Variants in PNMA2 observed in about 807,000 individuals in gnomAD.
PNMA2 encodes paraneoplastic antigen Ma2.
For missense variants in PNMA2, 455 were observed against 452.9 expected (o/e 1.00, Z -0.04); for synonymous variants, 175 against 183.5 (o/e 0.95, Z 0.38).
At chr8:26,510,909 T>C (rs1187142411) in intron 1 of PNMA2, among the ~76,000 whole-genome samples, 1 of 152,098 alleles carries the variant, frequency 6.6e-6, no homozygotes, top group Admixed American at 6.5e-5. Context: ...TCCCAGCACT[T>C]TGGGAAGCCA....
Position 26,507,946 on chromosome 8 carries a change from T to G in PNMA2, c.810A>C (p.Leu270Phe), listed in dbSNP as rs1314725208. 1 of 1,614,134 alleles carries G rather than the reference T, an allele frequency of 6.2e-7. No homozygotes were observed. The highest frequency in any genetic ancestry group is 1.1e-5 in the South Asian group (1 of 91,090). ...CTCTCCGGAGCAGGGTTTCTAGCCG[T>G]AACACATAGGCTGAGACCTTCTCTC... ...EEGEKVSAYV[L>F]RLETLLRRAV... Residue 270 changes from leucine to phenylalanine, a missense_variant, in exon 3 of 3, where the codon TTA becomes TTC. Physicochemically the swap from Leu to Phe is conservative, Grantham distance 22 (BLOSUM62 0). Transcript: ENST00000522362.
In PNMA2 at chr8:26,507,589, C is replaced by T. The variant is rs1425872464; in HGVS notation, c.*72G>A. Reference sequence around the variant, plus strand: ...TTGGCTTTCATGGTTTGATTTCAGTCCCATACATTAAAGAAAAAAATTTTT... The same window carrying T: ...TTGGCTTTCATGGTTTGATTTCAGTTCCATACATTAAAGAAAAAAATTTTT... On this transcript the variant is annotated 3_prime_UTR_variant, in exon 3 of 3. Transcript: ENST00000522362. 2.5e-5 allele frequency: 35 copies of T among 1,381,558 alleles called. No homozygotes were observed. Among genetic ancestry groups the T allele is most frequent in the Non-Finnish European group, 2.5e-5 (26 of 1,021,984 alleles). The allele number at this position is 1,381,558 out of a possible 1,614,324, so 85.6% of individuals were successfully genotyped here.
At position 26,506,289 on chromosome 8, in the gene PNMA2, G is replaced by A. The variant is rs1325930882; in HGVS notation, c.*1372C>T. On this transcript the variant is annotated 3_prime_UTR_variant, in exon 3 of 3. Coordinates refer to ENST00000522362, the MANE Select transcript of PNMA2 (RefSeq NM_007257.6). This position sits in a 1 kb window ranked among gnomAD's most constrained non-coding sequence, Gnocchi z 4.4. The stretch of plus-strand genomic sequence containing the variant: ...CAATGAGATATACATGAAACACTTT[G>A]CACACAGTAGGCCCTCAATAAATGT... 6.6e-6 allele frequency: 1 copy of A among 152,218 alleles called. No homozygotes were observed. Among genetic ancestry groups the A allele is most frequent in the South Asian group, 2.1e-4 (1 of 4,830 alleles). 9.4% of individuals were successfully genotyped at this position (152,218 alleles called of 1,614,324 possible). A position where few individuals can be genotyped will look rare whatever the true frequency, so the allele number is the denominator to read the frequency against.
Position 26,508,439 on chromosome 8 carries a change from A to C in PNMA2, c.317T>G (p.Leu106Trp). 6.2e-7 allele frequency: 1 copy of C among 1,614,190 alleles called. No individual in the cohort carries two copies. The highest frequency in any genetic ancestry group is 1.3e-5 in the African/African-American group (1 of 75,042). ...PNQDTEFLER[L>W]NLFLEKEGQT... ...CCCCTCTTTTTCTAGAAACAGGTTC[A>C]ATCTTTCAAGAAACTCAGTGTCCTG... Residue 106 changes from leucine to tryptophan, a missense_variant, in exon 3 of 3, where the codon TTG becomes TGG. By Grantham distance (61) the Leu-to-Trp change is moderately conservative. Transcript: ENST00000522362. The surrounding 1 kb of genome is among the most constrained non-coding windows in gnomAD (Gnocchi z 5.5).
chr8:26,510,855 T>G (rs1808139291), intron 1 of PNMA2, among the ~76,000 whole-genome samples: 1 of 152,090 alleles, frequency 6.6e-6, no homozygotes, highest in South Asian at 2.1e-4. Context: ...TTAGAGAACG[T>G]AAAAAAGTTA....
At chr8:26,510,178 T>A (rs578003533) in intron 1 of PNMA2, among the ~76,000 whole-genome samples, 1 of 152,254 alleles carries the variant, frequency 6.6e-6, no homozygotes, top group East Asian at 1.9e-4. Context: ...GATCTGATTG[T>A]TAAAAACAGA....
Position 26,506,963 on chromosome 8 carries a change from T to G in PNMA2, c.*698A>C, listed in dbSNP as rs1168046787. On this transcript the variant is annotated 3_prime_UTR_variant, in exon 3 of 3. Coordinates refer to ENST00000522362, the MANE Select transcript of PNMA2 (RefSeq NM_007257.6). This position sits in a 1 kb window ranked among gnomAD's most constrained non-coding sequence, Gnocchi z 4.4. ...ATTTTTTTTTTTGACTGCCAATTCT[T>G]TCTTCTATGGTATGGGCCAATTCTG... is the stretch of plus-strand genomic sequence containing the variant. The G allele has an allele frequency of 6.6e-6, 1 of 152,226 alleles. No individual in the cohort carries two copies. The highest frequency in any genetic ancestry group is 1.5e-5 in the Non-Finnish European group (1 of 68,038). The allele number at this position is 152,226 out of a possible 1,614,324, so 9.4% of individuals were successfully genotyped here.
rs4872448 is a variant in PNMA2 at position 26,506,303 on chromosome 8, C to T, written c.*1358G>A. ...TGAAACACTTTGCACACAGTAGGCC[C>T]TCAATAAATGTGAGTTCCTTTTCTC... On this transcript the variant is annotated 3_prime_UTR_variant, in exon 3 of 3. Coordinates refer to ENST00000522362, the MANE Select transcript of PNMA2 (RefSeq NM_007257.6). The surrounding 1 kb of genome is among the most constrained non-coding windows in gnomAD (Gnocchi z 4.4). 51,393 of 152,112 alleles carry T rather than the reference C, an allele frequency of 0.34. 10,794 individuals carry two copies. Among genetic ancestry groups the T allele is most frequent in the East Asian group, 0.67 (3,422 of 5,138 alleles). The allele number at this position is 152,112 out of a possible 1,614,324, so 9.4% of individuals were successfully genotyped here. A position where few individuals can be genotyped will look rare whatever the true frequency, so the allele number is the denominator to read the frequency against.
At position 26,508,413 on chromosome 8, in the gene PNMA2, G is replaced by T; in HGVS notation, c.343C>A (p.Gln115Lys). The T allele has an allele frequency of 6.2e-7, 1 of 1,614,200 alleles. No individual in the cohort carries two copies. Among genetic ancestry groups the T allele is most frequent in the Non-Finnish European group, 8.5e-7 (1 of 1,180,042 alleles). Residue 115 changes from glutamine (Q) to lysine (K), a missense_variant, in exon 3 of 3, where the codon CAG becomes AAG. Physicochemically the swap from Gln to Lys is moderately conservative, Grantham distance 53. Transcript: ENST00000522362. This position sits in a 1 kb window ranked among gnomAD's most constrained non-coding sequence, Gnocchi z 5.5. ...GCTCGAAACATACCCGAGACCGTCT[G>T]CCCCTCTTTTTCTAGAAACAGGTTC... is the stretch of plus-strand genomic sequence containing the variant. ...RLNLFLEKEG[Q>K]TVSGMFRALG...
intron 1 of PNMA2, among the ~76,000 whole-genome samples, chr8:26,511,386 G>A (rs1808151425): frequency 6.6e-6 from 1 of 152,178 alleles, no homozygotes; most frequent in African/African-American, 2.4e-5. Context: ...AGAGCCAGGA[G>A]GGCAAAATGC....
Position 26,508,593 on chromosome 8 carries a change from T to G in PNMA2, c.163A>C (p.Ile55Leu). The G allele has an allele frequency of 1.2e-6, 2 of 1,614,178 alleles. No individual in the cohort carries two copies. The highest frequency in any genetic ancestry group is 2.7e-5 in the African/African-American group (2 of 75,058). Residue 55 changes from isoleucine to leucine, a missense_variant, in exon 3 of 3, where the codon ATA becomes CTA. Physicochemically the swap from Ile to Leu is conservative, Grantham distance 5. Coordinates refer to ENST00000522362, the MANE Select transcript of PNMA2 (RefSeq NM_007257.6). This position sits in a 1 kb window ranked among gnomAD's most constrained non-coding sequence, Gnocchi z 5.5. ...TTGGCATTCTCCTGCTTCCGGAATA[T>G]CTTGCCAAGCAGTCTATACCTGCCC... The part of the protein sequence containing the change: ...SLGRYRLLGK[I>L]FRKQENANAV...
At chr8:26,510,647 C>T (rs940996949) in intron 1 of PNMA2, among the ~76,000 whole-genome samples, 1 of 151,754 alleles carries the variant, frequency 6.6e-6, no homozygotes, top group Non-Finnish European at 1.5e-5. Flanking sequence ...ACGCAGTCTC[C>T]TTACGTTGTT....
chr8:26,508,819 C>T lies in PNMA2; in HGVS notation c.-64G>A, dbSNP rs1316228935. 10 of 1,540,212 alleles carry T rather than the reference C, an allele frequency of 6.5e-6. No homozygotes were observed. Among genetic ancestry groups the T allele is most frequent in the East Asian group, 2.3e-5 (1 of 44,374 alleles). Reference sequence around the variant, plus strand: ...AATTTGTTAGTGGTGCAGCTATGCACTGACTTAATATTGAAAATATCCTGG... The same window carrying T: ...AATTTGTTAGTGGTGCAGCTATGCATTGACTTAATATTGAAAATATCCTGG... On this transcript the variant is annotated 5_prime_UTR_variant, in exon 3 of 3. It adds an upstream start codon to the 5' untranslated region. Coordinates refer to ENST00000522362, the MANE Select transcript of PNMA2 (RefSeq NM_007257.6). The surrounding 1 kb of genome is among the most constrained non-coding windows in gnomAD (Gnocchi z 5.5).
rs970408565 is a variant in PNMA2, at chr8:26,509,794, G to A, written c.-618-117C>T. ...CCTTCACAATACTACTCAATATTAA[G>A]TTGCTTTACCTCTTTGATTAACAAA... is the stretch of plus-strand genomic sequence containing the variant. On this transcript the variant is annotated intron_variant, in intron 1 of 2. Transcript: ENST00000522362. The surrounding 1 kb of genome is among the most constrained non-coding windows in gnomAD (Gnocchi z 5.7). 1 of 152,200 alleles carries A rather than the reference G, an allele frequency of 6.6e-6. No individual in the cohort carries two copies. Among genetic ancestry groups the A allele is most frequent in the Non-Finnish European group, 1.5e-5 (1 of 68,038 alleles). The allele number at this position is 152,200 out of a possible 1,614,324, so 9.4% of individuals were successfully genotyped here. A position where few individuals can be genotyped will look rare whatever the true frequency, so the allele number is the denominator to read the frequency against.
At position 26,508,533 on chromosome 8, in the gene PNMA2, C is replaced by T. The variant is rs1325732275; in HGVS notation, c.223G>A (p.Val75Ile). Residue 75 changes from valine to isoleucine, a missense_variant, in exon 3 of 3, where the codon GTC becomes ATC. Coordinates refer to ENST00000522362, the MANE Select transcript of PNMA2 (RefSeq NM_007257.6). The surrounding 1 kb of genome is among the most constrained non-coding windows in gnomAD (Gnocchi z 5.5). ...VLLELLEDTD[V>I]SAIPSEVQGK... ...TGGACCTCACTGGGAATGGCCGAGA[C>T]ATCAGTATCTTCCAGAAGCTCTAGT... The T allele has an allele frequency of 3.1e-6, 5 of 1,614,198 alleles. No individual in the cohort carries two copies. The highest frequency in any genetic ancestry group is 1.1e-5 in the South Asian group (1 of 91,076).
At chr8:26,513,529 C>T (rs1808210256) in intron 1 of PNMA2, among the ~76,000 whole-genome samples, 1 of 152,176 alleles carries the variant, frequency 6.6e-6, no homozygotes, top group Admixed American at 6.5e-5. Context: ...GTCTTGGCTG[C>T]CCCCCTCCTG....
In PNMA2 at chr8:26,507,492, GGAGAGGA is replaced by G. The variant is rs1285812958; in HGVS notation, c.*162_*168del. 2 of 549,080 alleles carry G rather than the reference GGAGAGGA, an allele frequency of 3.6e-6. No homozygotes were observed. The highest frequency in any genetic ancestry group is 6.2e-6 in the Non-Finnish European group (2 of 322,408). The allele number at this position is 549,080 out of a possible 1,614,324, so 34.0% of individuals were successfully genotyped here. A position where few individuals can be genotyped will look rare whatever the true frequency, so the allele number is the denominator to read the frequency against. On this transcript the variant is annotated 3_prime_UTR_variant, in exon 3 of 3. Transcript: ENST00000522362. ...GAAGGAAGGAAGGAAAGAGAGGAGA[GGAGAGGA>G]GAGAGGAGGAGAGAAGGAGAGAAGG...
chr8:26,513,857 C>T lies in PNMA2; in HGVS notation c.-660G>A, dbSNP rs1808220185. ...GTCAGCGGGCCCTCCGCTCCGCATC[C>T]ATTAGCTGGTGGTCTGGCCGCTTCA... On this transcript the variant is annotated 5_prime_UTR_variant, in exon 1 of 3. The change abolishes an upstream ATG in the 5' untranslated region. Transcript: ENST00000522362. The T allele has an allele frequency of 2.0e-5, 3 of 153,564 alleles. No homozygotes were observed. The highest frequency in any genetic ancestry group is 4.3e-5 in the Non-Finnish European group (3 of 69,020). 9.5% of individuals were successfully genotyped at this position (153,564 alleles called of 1,614,324 possible).
chr8:26,508,569 T>G lies in PNMA2; in HGVS notation c.187A>C (p.Asn63His), dbSNP rs1260462745. 1 of 1,614,190 alleles carries G rather than the reference T, an allele frequency of 6.2e-7. No individual in the cohort carries two copies. Among genetic ancestry groups the G allele is most frequent in the East Asian group, 2.2e-5 (1 of 44,882 alleles). Residue 63 changes from asparagine to histidine, a missense_variant, in exon 3 of 3, where the codon AAT (asparagine) becomes CAT (histidine). By Grantham distance (68) the Asn-to-His change is moderately conservative (BLOSUM62 1). Coordinates refer to ENST00000522362, the MANE Select transcript of PNMA2 (RefSeq NM_007257.6). The surrounding 1 kb of genome is among the most constrained non-coding windows in gnomAD (Gnocchi z 5.5). ...GKIFRKQENA[N>H]AVLLELLEDT... is the part of the protein sequence containing the mutation. ...TCCAGAAGCTCTAGTAAGACAGCAT[T>G]GGCATTCTCCTGCTTCCGGAATATC...
Sources: allele counts gnomAD v4.1 joint callset (sites outside exome capture counted in the v4.1 genomes callset), GRCh38; gene constraint gnomAD v4.1.1; non-coding constraint Gnocchi (gnomAD v3.1); transcripts MANE v1.5; gene names NCBI Gene and HGNC (gene_info 2026-07-23, HGNC 2026-07-21).